Variants in FKBP15 observed in about 807,000 individuals in gnomAD.
The protein encoded by FKBP15 is FKBP prolyl isomerase family member 15.
FKBP15 carries 106 observed loss-of-function variants against 158.1 expected under a neutral mutation model. The observed-to-expected ratio is 0.67, with a 90% confidence interval of 0.57 to 0.79. FKBP15 has a LOEUF of 0.79. Among genes scored for constraint, FKBP15 ranks in the 30% least tolerant of loss-of-function variants. FKBP15 has a pLI of 0.00. For missense variants in FKBP15, 1,287 were observed against 1,479.1 expected, an observed-to-expected ratio of 0.87 and a Z score of 2.13; for synonymous variants, 547 against 548.6, an observed-to-expected ratio of 1.00 and a Z score of 0.04.
At chr9:113,208,792 T>C (rs1410646486) in intron 2 of FKBP15, among the ~76,000 whole-genome samples, 1 of 151,884 alleles carries the variant, frequency 6.6e-6, no homozygotes, top group Admixed American at 6.6e-5. Context: ...AGATCACTTG[T>C]GGTCAGGAGT....
At chr9:113,212,395 G>A (rs1033009320) in intron 1 of FKBP15, among the ~76,000 whole-genome samples, 2 of 151,998 alleles carry the variant, frequency 1.3e-5, no homozygotes, top group African/African-American at 4.8e-5. Flanking sequence ...CACCATGCTG[G>A]CCAGGCTGGT....
intron 19 of FKBP15, among the ~76,000 whole-genome samples, chr9:113,179,075 G>T (rs761592622): frequency 2.6e-5 from 4 of 151,620 alleles, no homozygotes; most frequent in African/African-American, 4.9e-5. Context: ...CAGTCACCCA[G>T]GCTAGAGTGC....
At chr9:113,199,715 T>C (rs1390300517) in intron 7 of FKBP15, 99 bp downstream of exon 7, 11 of 1,267,092 alleles carry the variant, frequency 8.7e-6, no homozygotes, top group Non-Finnish European at 1.2e-5. Context: ...AATATTTCTA[T>C]TTGACAACAG....
At position 113,174,994 on chromosome 9, in the gene FKBP15, C is replaced by T; in HGVS notation, c.2224-411G>A. On this transcript the variant is annotated intron_variant, in intron 21 of 27. Coordinates refer to ENST00000238256, the MANE Select transcript of FKBP15 (RefSeq NM_015258.2). ...AGGAGAATGGCATGAACCCGGGAGGCGGAGCTTGCAGTGAGCCGAGATCCC... is the reference window on the plus strand; with the variant it reads ...AGGAGAATGGCATGAACCCGGGAGGTGGAGCTTGCAGTGAGCCGAGATCCC... Among the ~76,000 whole-genome samples the T allele has an allele frequency of 1.9e-4, 2 of 10,608 alleles. 1 individual carries two copies. Among genetic ancestry groups the T allele is most frequent in the Non-Finnish European group, 3.6e-4 (2 of 5,582 alleles). 7.0% of individuals were successfully genotyped at this position (10,608 alleles called of 152,430 possible).
At position 113,174,697 on chromosome 9, in the gene FKBP15, C is replaced by A. The variant is rs545448587; in HGVS notation, c.2224-114G>T. On this transcript the variant is annotated intron_variant, in intron 21 of 27. Transcript: ENST00000238256. The stretch of plus-strand genomic sequence containing the variant: ...ATCCTTACTCCATTTCTGAAAACTC[C>A]ATTTTTTAGTTGAATTTTCCCCTAA... The A allele has an allele frequency of 8.0e-6, 9 of 1,131,494 alleles. No individual in the cohort carries two copies. The Admixed American group carries it at 9.2e-5, about 12-fold the overall frequency. 70.1% of individuals were successfully genotyped at this position (1,131,494 alleles called of 1,614,324 possible).
At chr9:113,200,011 G>C (rs1178358739) in intron 6 of FKBP15, 48 bp from the exon 7 acceptor site, 8 of 1,562,768 alleles carry the variant, frequency 5.1e-6, no homozygotes, top group Non-Finnish European at 6.9e-6. Flanking sequence ...AGCTCAATAA[G>C]TACTCATTCC....
intron 12 of FKBP15, among the ~76,000 whole-genome samples, chr9:113,189,206 CTTATA>C (rs1324600327): frequency 6.6e-6 from 1 of 152,180 alleles, no homozygotes; most frequent in Non-Finnish European, 1.5e-5. Flanking sequence ...ACCTTGTCCC[CTTATA>C]TTCTCTTCTA....
chr9:113,186,153 G>T, intron 15 of FKBP15, 96 bp downstream of exon 15: 1 of 766,804 alleles, frequency 1.3e-6, no homozygotes, highest in African/African-American at 1.8e-5. Flanking sequence ...AAGAAACAAT[G>T]AGTAGAGAGC....
chr9:113,174,617 T>TC, intron 21 of FKBP15, 34 bp from the exon 22 acceptor site: 1 of 1,603,816 alleles, frequency 6.2e-7, no homozygotes. Context: ...CAGCTCTAGC[T>TC]TGTTAACAGA....
chr9:113,172,611 G>A (rs1378539568), intron 23 of FKBP15, among the ~76,000 whole-genome samples: 3 of 152,074 alleles, frequency 2.0e-5, no homozygotes, highest in South Asian at 2.1e-4. Flanking sequence ...CTCATCATTC[G>A]ACTTCAACGC....
rs1341378070 is a variant in FKBP15 at position 113,211,426 on chromosome 9, T to C, written c.169+51A>G. ...CACCGGCCTCGGCCTCCCAAAGTGCTGGGATTACAGGCATTAGCCACCTCG... is the reference window on the plus strand; with the variant it reads ...CACCGGCCTCGGCCTCCCAAAGTGCCGGGATTACAGGCATTAGCCACCTCG... On this transcript the variant is annotated intron_variant, in intron 2 of 27. Transcript: ENST00000238256. 2.8e-6 allele frequency: 4 copies of C among 1,449,408 alleles called. No homozygotes were observed. The African/African-American group carries it at 4.2e-5, about 15-fold the overall frequency. 89.8% of individuals were successfully genotyped at this position (1,449,408 alleles called of 1,614,324 possible).
rs1831005480 is a variant in FKBP15 at position 113,211,529 on chromosome 9, G to A, written c.117C>T (p.Phe39=). The part of the protein sequence containing the change: ...QAAAGHGNEF[F]QYTAPKQPKK... ...TAGGCTGTTTTGGGGCTGTGTACTG[G>A]AAAAATTCATTTCCATGGCCAGCAG... The change falls in exon 2 of 28, where the codon TTC becomes TTT. Residue 39 remains phenylalanine (F), a synonymous_variant. Coordinates refer to ENST00000238256, the MANE Select transcript of FKBP15 (RefSeq NM_015258.2). The A allele has an allele frequency of 6.2e-7, 1 of 1,609,544 alleles. No homozygotes were observed. Among genetic ancestry groups the A allele is most frequent in the Non-Finnish European group, 8.5e-7 (1 of 1,178,120 alleles).
Position 113,184,785 on chromosome 9 carries a change from T to G in FKBP15, c.1518A>C (p.Ser506=), listed in dbSNP as rs778149193. ...PHFQGSGDMA[S]FLMTEARQHN... ...GTTGCCGGGCTTCAGTCATGAGAAA[T>G]GAAGCCATATCACCTGATCCTAAAC... Residue 506 remains serine, a synonymous_variant, in exon 16 of 28, where the codon TCA becomes TCC. Transcript: ENST00000238256. The surrounding 1 kb of genome is among the most constrained non-coding windows in gnomAD (Gnocchi z 4.5). 6.3e-7 allele frequency: 1 copy of G among 1,599,360 alleles called. No individual in the cohort carries two copies. Among genetic ancestry groups the G allele is most frequent in the Admixed American group, 1.7e-5 (1 of 57,488 alleles).
In FKBP15 at chr9:113,162,000, A is replaced by C; in HGVS notation, c.*4078T>G. The C allele has an allele frequency of 2.1e-6, 1 of 468,332 alleles. No homozygotes were observed. Among genetic ancestry groups the C allele is most frequent in the East Asian group, 4.9e-5 (1 of 20,392 alleles). The allele number at this position is 468,332 out of a possible 1,614,324, so 29.0% of individuals were successfully genotyped here. On this transcript the variant is annotated 3_prime_UTR_variant, in exon 28 of 28. Transcript: ENST00000238256. ...TGAGGTGGCCACCCACCCTCCCCCA[A>C]ATCTCACCAGTTCCATGGGTCACTA... is the stretch of plus-strand genomic sequence containing the variant.
In FKBP15 at chr9:113,176,687, G is replaced by A. The variant is rs1174477781; in HGVS notation, c.2087-14C>T. The A allele has an allele frequency of 6.8e-6, 11 of 1,607,902 alleles. No individual in the cohort carries two copies. Among genetic ancestry groups the A allele is most frequent in the Non-Finnish European group, 7.6e-6 (9 of 1,176,616 alleles). ...TTTCTTGGAGCTCTGGGATACAGGAGCAGAGAGACTTCGCTACAGAACCAA... is the reference window on the plus strand; with the variant it reads ...TTTCTTGGAGCTCTGGGATACAGGAACAGAGAGACTTCGCTACAGAACCAA... On this transcript the variant is annotated splice_polypyrimidine_tract_variant and intron_variant, in intron 20 of 27. Transcript: ENST00000238256.
chr9:113,188,271 A>C, intron 13 of FKBP15, 118 bp downstream of exon 13: 1 of 775,676 alleles, frequency 1.3e-6, no homozygotes, highest in Non-Finnish European at 2.1e-6. Context: ...TCACACTCTT[A>C]CATTTACACT....
At position 113,207,220 on chromosome 9, in the gene FKBP15, T is replaced by C; in HGVS notation, c.246A>G (p.Ala82=). 1 of 1,612,664 alleles carries C rather than the reference T, an allele frequency of 6.2e-7. No individual in the cohort carries two copies. Among genetic ancestry groups the C allele is most frequent in the Non-Finnish European group, 8.5e-7 (1 of 1,178,994 alleles). ...CCTTCTCAGCGACTTACTATCGATA[T>C]GCATGGACTGCTGTTGCGACCAGTA... ...PTILVATAVH[A]YRYTNGQYVK... is the part of the protein sequence containing the mutation. The change falls in exon 3 of 28, where the codon GCA becomes GCG. Residue 82 remains alanine (A), a synonymous_variant. Transcript: ENST00000238256.
Position 113,171,674 on chromosome 9 carries a change from G to A in FKBP15, c.2565C>T (p.Leu855=). 1 of 1,601,116 alleles carries A rather than the reference G, an allele frequency of 6.2e-7. No individual in the cohort carries two copies. The highest frequency in any genetic ancestry group is 8.5e-7 in the Non-Finnish European group (1 of 1,173,502). ...CLALQAQITA[L]TKQNEQHIKE... is the part of the protein sequence containing the mutation. ...TGATGTGCTGTTCATTTTGCTTGGT[G>A]AGAGCTGTGATTTGGGCCTGGAGGG... Residue 855 remains leucine (L), a synonymous_variant, in exon 24 of 28, where the codon CTC becomes CTT. Coordinates refer to ENST00000238256, the MANE Select transcript of FKBP15 (RefSeq NM_015258.2).
intron 21 of FKBP15, among the ~76,000 whole-genome samples, chr9:113,175,309 G>C (rs1830282987): frequency 6.6e-6 from 1 of 152,116 alleles, no homozygotes; most frequent in Non-Finnish European, 1.5e-5. Context: ...GATGGTCACT[G>C]TAGTAGTATC....
Sources: gnomAD v4.1 joint callset for allele counts (sites outside exome capture counted in the v4.1 genomes callset) on GRCh38, gnomAD v4.1.1 for gene constraint, Gnocchi (gnomAD v3.1) non-coding constraint, MANE v1.5 for transcripts, NCBI Gene and HGNC (gene_info 2026-07-23, HGNC 2026-07-21) for gene names.